ESRRB: variants seen among roughly 807,000 people sequenced by gnomAD.
ESRRB encodes steroid hormone receptor ERR2.
ESRRB carries 16 observed loss-of-function variants against 46.0 expected under a neutral mutation model. The ratio of observed to expected loss-of-function variants is 0.35; its 90% CI spans 0.24 to 0.53. The LOEUF (loss-of-function observed/expected upper bound fraction) is 0.53. Ranked by LOEUF, ESRRB falls within the 20% of genes least tolerant of loss-of-function variation. ESRRB has a pLI of 0.93. For missense variants in ESRRB, 488 were observed against 607.4 expected (o/e 0.80, Z 2.07); for synonymous variants, 246 against 259.6 (o/e 0.95, Z 0.50).
chr14:76,386,339 AC>A (rs1480249627), intron 1 of ESRRB, among the ~76,000 whole-genome samples: 3 of 151,990 alleles, frequency 2.0e-5, no homozygotes, highest in Non-Finnish European at 4.4e-5. Flanking sequence ...AAATCTGGCA[AC>A]CCTATCTACC....
chr14:76,455,085 C>T (rs965048166), intron 2 of ESRRB, among the ~76,000 whole-genome samples: 6 of 152,010 alleles, frequency 3.9e-5, no homozygotes, highest in African/African-American at 7.3e-5. Context: ...GGTGTGGTGG[C>T]GGGTGCCTGT....
chr14:76,491,410 G>T, intron 5 of ESRRB, 37 bp from the exon 6 acceptor site: 1 of 1,603,618 alleles, frequency 6.2e-7, no homozygotes, highest in South Asian at 1.1e-5. Flanking sequence ...CCGCCCTCCT[G>T]ACCTGCTGCT....
intron 1 of ESRRB, among the ~76,000 whole-genome samples, chr14:76,429,098 T>C (rs1887322451): frequency 6.6e-6 from 1 of 151,840 alleles, no homozygotes; most frequent in South Asian, 2.1e-4. Context: ...GAGACGGGGC[T>C]GTGTTAGCAA....
intron 6 of ESRRB, among the ~76,000 whole-genome samples, chr14:76,495,196 A>G (rs1890377114): frequency 1.3e-5 from 2 of 152,182 alleles, no homozygotes; most frequent in African/African-American, 2.4e-5. Context: ...AGGTTTGTCA[A>G]TATGAATCCA....
chr14:76,410,056 T>C (rs1349248735), intron 1 of ESRRB, among the ~76,000 whole-genome samples: 1 of 152,072 alleles, frequency 6.6e-6, no homozygotes, highest in Non-Finnish European at 1.5e-5. Flanking sequence ...AAACTCCGTC[T>C]CTACTAAAAA....
upstream of ESRRB, among the ~76,000 whole-genome samples, chr14:76,372,940 C>A (rs1884658920): frequency 6.6e-6 from 1 of 152,208 alleles, no homozygotes; most frequent in Non-Finnish European, 1.5e-5. Flanking sequence ...CTCTGTGTGA[C>A]CTTGGGTAGG....
intron 3 of ESRRB, among the ~76,000 whole-genome samples, chr14:76,470,025 G>A (rs1455517915): frequency 7.6e-6 from 1 of 131,474 alleles, no homozygotes; most frequent in Non-Finnish European, 1.5e-5. Flanking sequence ...TTGGCTCACT[G>A]CAACCCCTGC....
At chr14:76,366,404 C>T (rs1477482632), upstream of ESRRB, among the ~76,000 whole-genome samples, 3 of 152,274 alleles carry the variant, frequency 2.0e-5, no homozygotes, top group African/African-American at 4.8e-5. Flanking sequence ...CCACCAAAAC[C>T]GGCCTTCAAC....
rs1007989619 is a variant in ESRRB, at chr14:76,491,453, C to T, written c.857C>T (p.Ser286Leu). Residue 286 changes from serine to leucine, a missense_variant, in exon 6 of 7, where the codon TCA (serine) becomes TTA (leucine). Ser to Leu is a moderately radical substitution (Grantham distance 145, BLOSUM62 -2). Coordinates refer to ENST00000644823, the MANE Select transcript of ESRRB (RefSeq NM_001379180.1). ...GTGCCCCCTCTTCCTGCAGGCTTCT[C>T]AAGCCTCTCCCTGGGGGACCAGATG... ...IGWAKHIPGF[S>L]SLSLGDQMSL... The T allele has an allele frequency of 6.2e-7, 1 of 1,605,480 alleles. No homozygotes were observed. The highest frequency in any genetic ancestry group is 1.7e-5 in the Admixed American group (1 of 58,518).
At chr14:76,321,277 G>C (rs747871271) in intron 1 of ESRRB, among the ~76,000 whole-genome samples, 6 of 152,078 alleles carry the variant, frequency 3.9e-5, no homozygotes, top group Non-Finnish European at 7.3e-5. Flanking sequence ...AAATTTCCCA[G>C]AAGAATGGTT....
chr14:76,326,620 G>A (rs1685251305), intron 1 of ESRRB, among the ~76,000 whole-genome samples: 1 of 152,138 alleles, frequency 6.6e-6, no homozygotes, highest in Admixed American at 6.5e-5. Flanking sequence ...GAGTGTTGGT[G>A]GTAACAAGGT....
intron 2 of ESRRB, among the ~76,000 whole-genome samples, chr14:76,449,513 G>A (rs922168717): frequency 3.3e-5 from 5 of 151,500 alleles, no homozygotes; most frequent in Non-Finnish European, 7.4e-5. Context: ...ATCACACACT[G>A]CACTCCAGCC....
chr14:76,492,671 A>G (rs927756201), intron 6 of ESRRB, among the ~76,000 whole-genome samples: 2 of 152,184 alleles, frequency 1.3e-5, no homozygotes, highest in African/African-American at 4.8e-5. Context: ...CTGAACCTAT[A>G]CCCACTCCTT....
chr14:76,317,354 G>GTT (rs1883814369), intron 1 of ESRRB, among the ~76,000 whole-genome samples: 1 of 146,218 alleles, frequency 6.8e-6, no homozygotes, highest in African/African-American at 2.5e-5. Flanking sequence ...GTGTGTGTGT[G>GTT]TGTTTTAGGG....
chr14:76,439,181 G>GGCTGC (rs1887801477), intron 1 of ESRRB, among the ~76,000 whole-genome samples, 160 bp from the exon 2 acceptor site: 1 of 152,184 alleles, frequency 6.6e-6, no homozygotes, highest in African/African-American at 2.4e-5. Flanking sequence ...ACTTGCTCCC[G>GGCTGC]GCTGCGCCGA....
At chr14:76,387,323 A>G (rs909437452) in intron 1 of ESRRB, among the ~76,000 whole-genome samples, 1 of 152,204 alleles carries the variant, frequency 6.6e-6, no homozygotes, top group Non-Finnish European at 1.5e-5. Flanking sequence ...AGCCCCGGGT[A>G]CGGGGAATGG....
At chr14:76,398,248 A>G (rs932821127) in intron 1 of ESRRB, among the ~76,000 whole-genome samples, 1 of 152,186 alleles carries the variant, frequency 6.6e-6, no homozygotes, top group Admixed American at 6.5e-5. Flanking sequence ...CATATTCCAG[A>G]TGAGGAAATA....
At chr14:76,369,615 T>C (rs996587822), upstream of ESRRB, among the ~76,000 whole-genome samples, 2 of 151,958 alleles carry the variant, frequency 1.3e-5, no homozygotes, top group Non-Finnish European at 2.9e-5. Context: ...CATTTGCTGG[T>C]TTTTTTTCTC....
chr14:76,452,285 A>T (rs950651367), intron 2 of ESRRB, among the ~76,000 whole-genome samples: 1 of 151,986 alleles, frequency 6.6e-6, no homozygotes, highest in Non-Finnish European at 1.5e-5. Context: ...CCAAACCAAG[A>T]TCAGGGCAAA....
Sources: allele counts gnomAD v4.1 joint callset (sites outside exome capture counted in the v4.1 genomes callset), GRCh38; gene constraint gnomAD v4.1.1; transcripts MANE v1.5; gene names NCBI Gene and HGNC (gene_info 2026-07-23, HGNC 2026-07-21).